Variants in AASS observed in about 807,000 individuals in gnomAD.
AASS encodes alpha-aminoadipic semialdehyde synthase, mitochondrial.
A neutral mutation model predicts 105.4 loss-of-function variants in AASS; 86 were observed. The observed-to-expected ratio is 0.82, with a 90% CI of 0.69 to 0.98. AASS has a LOEUF of 0.98. Among genes scored for constraint, AASS ranks in the 50% least tolerant of loss-of-function variants. AASS has a pLI of 0.00. For missense variants in AASS, 1,048 were observed against 1,143.2 expected (o/e 0.92, Z 1.20); for synonymous variants, 381 against 394.8 (o/e 0.96, Z 0.41).
At chr7:122,136,860 T>C (rs1796162195) in intron 1 of AASS, among the ~76,000 whole-genome samples, 1 of 152,196 alleles carries the variant, frequency 6.6e-6, no homozygotes, top group Non-Finnish European at 1.5e-5. Context: ...TAATAATCCC[T>C]GCTCCTTCTC....
intron 18 of AASS, 73 bp downstream of exon 18, chr7:122,091,629 GA>G: frequency 6.2e-7 from 1 of 1,607,860 alleles, no homozygotes; most frequent in South Asian, 1.1e-5. Context: ...AAGGGTTTGG[GA>G]TCAGGGAGTA....
rs552574677 is a variant in AASS, at chr7:122,076,823, C to T, written c.2663-216G>A. Among the ~76,000 whole-genome samples the T allele has an allele frequency of 6.7e-4, 102 of 152,264 alleles. 1 individual carries two copies. Among genetic ancestry groups the T allele is most frequent in the African/African-American group, 2.3e-3 (95 of 41,546 alleles). On this transcript the variant is annotated intron_variant, in intron 23 of 23. Transcript: ENST00000417368. ...GTTGATTTTAGATTGAAAGCACAGC[C>T]GGACCTAGGGATATTGTCAGAACTT...
Position 122,074,889 on chromosome 7 carries a change from T to TCAAAAA in AASS, c.*1599_*1600insTTTTTG, listed in dbSNP as rs1374974836. ...TTTTTGTTTTTTTTGAGTCAAGGTC[T>TCAAAAA]AACTCTGTCATCCAGGCTGGATTGC... On this transcript the variant is annotated 3_prime_UTR_variant, in exon 24 of 24. Transcript: ENST00000417368. Among the ~76,000 whole-genome samples, 18 of 152,164 alleles carry TCAAAAA rather than the reference T, an allele frequency of 1.2e-4. No individual in the cohort carries two copies. The highest frequency in any genetic ancestry group is 2.0e-4 in the Admixed American group (3 of 15,270).
rs57828681 is a variant in AASS at position 122,140,485 on chromosome 7, C to CAAAAAAAAAAAA, written c.-16+3664_-16+3675dup. Reference sequence around the variant, plus strand: ...TGGGCGACAGAGCGAGACTCAGTCTCAAAAAAAAAAAAAAAAAAAAAAAGA... The same window carrying CAAAAAAAAAAAA: ...TGGGCGACAGAGCGAGACTCAGTCTCAAAAAAAAAAAAAAAAAAAAAAAAAAAAAAAAAAAGA... On this transcript the variant is annotated intron_variant, in intron 1 of 23. Transcript: ENST00000417368. Among the ~76,000 whole-genome samples the CAAAAAAAAAAAA allele has an allele frequency of 3.5e-3, 131 of 37,264 alleles. 3 individuals carry two copies. The highest frequency in any genetic ancestry group is 3.8e-3 in the African/African-American group (35 of 9,196). The allele number at this position is 37,264 out of a possible 152,430, so 24.4% of individuals were successfully genotyped here.
intron 4 of AASS, among the ~76,000 whole-genome samples, chr7:122,125,355 T>C (rs554724427): frequency 6.6e-6 from 1 of 152,358 alleles, no homozygotes; most frequent in South Asian, 2.1e-4. Context: ...TTTGAAATGC[T>C]TGTTCCCTGG....
chr7:122,143,450 G>A (rs1796493063), intron 1 of AASS, among the ~76,000 whole-genome samples: 1 of 150,760 alleles, frequency 6.6e-6, no homozygotes, highest in African/African-American at 2.4e-5. Flanking sequence ...ACCGAGGAGG[G>A]TGGGTAAACT....
intron 11 of AASS, among the ~76,000 whole-genome samples, chr7:122,108,659 C>G (rs912388957): frequency 1.3e-5 from 2 of 151,992 alleles, no homozygotes; most frequent in African/African-American, 4.8e-5. Flanking sequence ...ATTTGGCATA[C>G]AGGGTACATA....
At chr7:122,135,975 C>G (rs1796123206) in intron 1 of AASS, among the ~76,000 whole-genome samples, 1 of 152,172 alleles carries the variant, frequency 6.6e-6, no homozygotes, top group Admixed American at 6.5e-5. Flanking sequence ...TTCTATCCAA[C>G]TTCAATTTTG....
chr7:122,100,923 T>G (rs530497695), intron 13 of AASS, among the ~76,000 whole-genome samples: 7 of 151,942 alleles, frequency 4.6e-5, no homozygotes, highest in African/African-American at 1.4e-4. Context: ...CTCTCTTAAT[T>G]TGTAACCACG....
At chr7:122,135,649 C>A (rs1434230016) in intron 1 of AASS, among the ~76,000 whole-genome samples, 1 of 152,162 alleles carries the variant, frequency 6.6e-6, no homozygotes, top group Non-Finnish European at 1.5e-5. Flanking sequence ...AAGCAGCATT[C>A]TCTTGGTACA....
At chr7:122,139,985 G>A (rs1796312514) in intron 1 of AASS, among the ~76,000 whole-genome samples, 1 of 151,708 alleles carries the variant, frequency 6.6e-6, no homozygotes, top group Non-Finnish European at 1.5e-5. Flanking sequence ...AACAAATGAT[G>A]TATTTAATTT....
At chr7:122,091,678 A>G (rs1434953557) in intron 18 of AASS, 25 bp downstream of exon 18, 4 of 1,613,100 alleles carry the variant, frequency 2.5e-6, no homozygotes, top group African/African-American at 1.3e-5. Flanking sequence ...GGTTGATATC[A>G]CTATGCTTGG....
intron 2 of AASS, among the ~76,000 whole-genome samples, chr7:122,133,133 T>C (rs1166610909): frequency 6.6e-6 from 1 of 152,146 alleles, no homozygotes; most frequent in Non-Finnish European, 1.5e-5. Context: ...TATATGTATA[T>C]TGCTAAAATA....
At chr7:122,088,150 C>T (rs533201664) in intron 18 of AASS, among the ~76,000 whole-genome samples, 2 of 152,206 alleles carry the variant, frequency 1.3e-5, no homozygotes, top group Admixed American at 6.6e-5. Flanking sequence ...TCTGCTCTGA[C>T]AATGCTCAGG....
Position 122,113,090 on chromosome 7 carries a change from T to A in AASS, c.1278+28A>T, listed in dbSNP as rs1229145704. On this transcript the variant is annotated intron_variant, in intron 11 of 23. Transcript: ENST00000417368. Reference sequence around the variant, plus strand: ...AATTATTCAATTTAAAGCCACAGAGTTGTTACTGATATTACCAGTCTGCTT... The same window carrying A: ...AATTATTCAATTTAAAGCCACAGAGATGTTACTGATATTACCAGTCTGCTT... The A allele has an allele frequency of 1.9e-6, 3 of 1,542,266 alleles. No individual in the cohort carries two copies. In the African/African-American group the frequency reaches 4.1e-5, roughly 21 times the overall value.
At chr7:122,101,564 A>T in intron 12 of AASS, 57 bp downstream of exon 12, 2 of 1,520,148 alleles carry the variant, frequency 1.3e-6, no homozygotes, top group South Asian at 2.2e-5. Flanking sequence ...GAGAGAAGAG[A>T]GCAAAAATGG....
intron 8 of AASS, among the ~76,000 whole-genome samples, chr7:122,116,420 A>C (rs185382111): frequency 5.1e-4 from 77 of 152,330 alleles, no homozygotes; most frequent in African/African-American, 1.4e-3. Context: ...CAGTGAAACA[A>C]AGAGTGTATC....
intron 11 of AASS, among the ~76,000 whole-genome samples, chr7:122,105,245 A>C (rs1197222521): frequency 6.6e-6 from 1 of 152,076 alleles, no homozygotes; most frequent in Non-Finnish European, 1.5e-5. Flanking sequence ...ATTAATCAAC[A>C]TGAAGGTAAA....
intron 8 of AASS, among the ~76,000 whole-genome samples, chr7:122,115,986 T>C (rs1324107965): frequency 2.0e-5 from 3 of 152,200 alleles, no homozygotes; most frequent in Non-Finnish European, 4.4e-5. Context: ...ATTTAAAGCA[T>C]TCTTTTTCAC....
Sources: allele counts gnomAD v4.1 joint callset (sites outside exome capture counted in the v4.1 genomes callset), GRCh38; gene constraint gnomAD v4.1.1; transcripts MANE v1.5; gene names NCBI Gene and HGNC (gene_info 2026-07-23, HGNC 2026-07-21).